The following LMX1A variants were observed in gnomAD, a reference collection of about 807,000 sequenced individuals.
LMX1A encodes the protein LIM homeobox transcription factor 1-alpha.
Under a neutral mutation model 49.1 loss-of-function variants are expected in LMX1A, and 15 were observed. The observed-to-expected ratio is 0.31, with a 90% CI of 0.20 to 0.47. The LOEUF (loss-of-function observed/expected upper bound fraction) is 0.47. Ranked by LOEUF, LMX1A falls within the 20% of genes least tolerant of loss-of-function variation. The probability of loss-of-function intolerance (pLI) is 1.00; values close to 1 mark genes in which losing one functional copy is unlikely to be tolerated. For synonymous variants in LMX1A, 167 were observed against 185.7 expected (o/e 0.90, Z 0.82); for missense variants, 372 against 475.8 (o/e 0.78, Z 2.03).
At chr1:165,223,983 C>T (rs932356403) in intron 4 of LMX1A, among the ~76,000 whole-genome samples, 1 of 152,174 alleles carries the variant, frequency 6.6e-6, no homozygotes, top group Non-Finnish European at 1.5e-5. Flanking sequence ...TGTGTCCCCA[C>T]CCAAATCTCA....
intron 3 of LMX1A, among the ~76,000 whole-genome samples, chr1:165,309,481 G>A (rs989413046): frequency 6.6e-6 from 1 of 152,144 alleles, no homozygotes. Flanking sequence ...CAGGCCTTCT[G>A]CCTCAAAGCC....
chr1:165,216,679 A>G (rs554771101), intron 4 of LMX1A, among the ~76,000 whole-genome samples: 4 of 152,322 alleles, frequency 2.6e-5, no homozygotes, highest in African/African-American at 9.6e-5. Flanking sequence ...TTTTACAGTC[A>G]CTCCTCACAT....
intron 4 of LMX1A, among the ~76,000 whole-genome samples, chr1:165,214,150 A>C (rs536721956): frequency 3.9e-5 from 6 of 152,102 alleles, no homozygotes; most frequent in Admixed American, 3.3e-4. Context: ...ATGGAGGGAC[A>C]TGGTGGGAGG....
intron 4 of LMX1A, among the ~76,000 whole-genome samples, chr1:165,216,548 G>A (rs1651650110): frequency 6.6e-6 from 1 of 152,188 alleles, no homozygotes; most frequent in Non-Finnish European, 1.5e-5. Context: ...TGCAGGCCAG[G>A]CTCAGAAAGA....
chr1:165,339,224 C>A (rs1655992100), intron 3 of LMX1A, among the ~76,000 whole-genome samples: 1 of 152,238 alleles, frequency 6.6e-6, no homozygotes, highest in Admixed American at 6.5e-5. Context: ...CGCTACAAAA[C>A]AGCAGTAGCT....
In LMX1A at chr1:165,203,243, G is replaced by A. The variant is rs969455549; in HGVS notation, c.*637C>T. The A allele has an allele frequency of 2.6e-5, 4 of 152,618 alleles. No homozygotes were observed. Among genetic ancestry groups the A allele is most frequent in the African/African-American group, 9.6e-5 (4 of 41,456 alleles). The allele number at this position is 152,618 out of a possible 1,614,324, so 9.5% of individuals were successfully genotyped here. A position where few individuals can be genotyped will look rare whatever the true frequency, so the allele number is the denominator to read the frequency against. ...CACTCTGAAAACAGAATGAACCCCAGCACTCAAAGCTATGGGGCTAGGTGG... is the reference window on the plus strand; with the variant it reads ...CACTCTGAAAACAGAATGAACCCCAACACTCAAAGCTATGGGGCTAGGTGG... On this transcript the variant is annotated 3_prime_UTR_variant, in exon 9 of 9. Transcript: ENST00000342310.
At chr1:165,309,793 G>A (rs1430541968) in intron 3 of LMX1A, among the ~76,000 whole-genome samples, 1 of 152,178 alleles carries the variant, frequency 6.6e-6, no homozygotes, top group Non-Finnish European at 1.5e-5. Flanking sequence ...CCAAATCATA[G>A]CATCGCAACC....
rs545066935 is a variant in LMX1A, at chr1:165,333,441, G to A, written c.263+19635C>T. Reference sequence around the variant, plus strand: ...CCCAAAGTGCTGAGATTACAGGCATGAGCCACTGTGCTAGGCCCCCTTTTC... The same window carrying A: ...CCCAAAGTGCTGAGATTACAGGCATAAGCCACTGTGCTAGGCCCCCTTTTC... On this transcript the variant is annotated intron_variant, in intron 3 of 8. Transcript: ENST00000342310. Among the ~76,000 whole-genome samples the A allele has an allele frequency of 5.9e-5, 9 of 152,284 alleles. No homozygotes were observed. In the South Asian group the frequency reaches 1.0e-3, roughly 18 times the overall value.
intron 3 of LMX1A, among the ~76,000 whole-genome samples, chr1:165,284,568 C>T (rs1042998361): frequency 6.6e-6 from 1 of 152,252 alleles, no homozygotes; most frequent in Non-Finnish European, 1.5e-5. Flanking sequence ...CCCAGACCCC[C>T]TCCGCTGGGA....
rs149995228 is a variant in LMX1A, at chr1:165,318,393, G to C, written c.263+34683C>G. Among the ~76,000 whole-genome samples the C allele has an allele frequency of 4.6e-5, 7 of 152,128 alleles. No homozygotes were observed. The East Asian group carries it at 1.4e-3, about 29-fold the overall frequency. ...AACGGAGAGGTGACTTGTTCATGTT[G>C]GCAGAGGGTCAAAAGAGAAGTCAGA... On this transcript the variant is annotated intron_variant, in intron 3 of 8. Coordinates refer to ENST00000342310, the MANE Select transcript of LMX1A (RefSeq NM_177398.4).
At chr1:165,325,201 G>A (rs184105059) in intron 3 of LMX1A, among the ~76,000 whole-genome samples, 43 of 152,036 alleles carry the variant, frequency 2.8e-4, no homozygotes, top group Admixed American at 1.9e-3. Flanking sequence ...CATAATTCTC[G>A]TTAGAAGATC....
At chr1:165,209,925 C>A (rs1651296671) in intron 6 of LMX1A, among the ~76,000 whole-genome samples, 1 of 152,198 alleles carries the variant, frequency 6.6e-6, no homozygotes, top group South Asian at 2.1e-4. Context: ...CCTGTGAAAT[C>A]TGACACTATT....
intron 3 of LMX1A, among the ~76,000 whole-genome samples, chr1:165,343,664 T>C (rs1277445560): frequency 6.6e-6 from 1 of 152,098 alleles, no homozygotes; most frequent in Non-Finnish European, 1.5e-5. Context: ...CTTCCAGCTA[T>C]GAATATGGGT....
chr1:165,276,843 C>T (rs1653985074), intron 3 of LMX1A, among the ~76,000 whole-genome samples: 1 of 152,160 alleles, frequency 6.6e-6, no homozygotes. Flanking sequence ...GTACATGTAA[C>T]TGGACATTGT....
At chr1:165,230,134 C>T (rs1028409835) in intron 4 of LMX1A, among the ~76,000 whole-genome samples, 2 of 152,140 alleles carry the variant, frequency 1.3e-5, no homozygotes, top group Non-Finnish European at 2.9e-5. Context: ...TCTCCAGAAC[C>T]CAGCAGTGTT....
intron 3 of LMX1A, among the ~76,000 whole-genome samples, chr1:165,326,684 T>C (rs1198426109): frequency 6.6e-6 from 1 of 152,214 alleles, no homozygotes; most frequent in Non-Finnish European, 1.5e-5. Context: ...TGCATCCTTT[T>C]CTTCCCCAGT....
intron 3 of LMX1A, among the ~76,000 whole-genome samples, chr1:165,294,151 C>T (rs1654552180): frequency 6.6e-6 from 1 of 152,226 alleles, no homozygotes; most frequent in Non-Finnish European, 1.5e-5. Flanking sequence ...ACGCTAGCAA[C>T]TGCATTTCTA....
intron 3 of LMX1A, among the ~76,000 whole-genome samples, chr1:165,287,377 T>C (rs1391232841): frequency 6.6e-6 from 1 of 152,144 alleles, no homozygotes; most frequent in African/African-American, 2.4e-5. Flanking sequence ...ACTACACCTC[T>C]CGGACTACAC....
At chr1:165,341,849 A>T (rs1461051228) in intron 3 of LMX1A, among the ~76,000 whole-genome samples, 7 of 152,310 alleles carry the variant, frequency 4.6e-5, no homozygotes, top group Admixed American at 2.0e-4. Flanking sequence ...ATTTAATACG[A>T]ATGTTTGATG....
Sources: gnomAD v4.1 joint callset for allele counts (sites outside exome capture counted in the v4.1 genomes callset) on GRCh38, gnomAD v4.1.1 for gene constraint, MANE v1.5 for transcripts, NCBI Gene and HGNC (gene_info 2026-07-23, HGNC 2026-07-21) for gene names.